The following EPAS1 variants were observed in gnomAD, a reference collection of about 807,000 sequenced individuals.
EPAS1 encodes endothelial PAS domain protein 1.
EPAS1 carries 23 observed loss-of-function variants against 87.9 expected under a neutral mutation model. That is an observed-to-expected ratio of 0.26 (90% CI 0.19 to 0.37). The LOEUF (loss-of-function observed/expected upper bound fraction) is 0.37, where lower values mean the gene tolerates loss of function less well. EPAS1 is among the 10% of genes least tolerant of loss of function. EPAS1 has a pLI of 1.00. For missense variants in EPAS1, 1,138 were observed against 1,120.7 expected (o/e 1.02, Z -0.22); for synonymous variants, 508 against 444.3 (o/e 1.14, Z -1.80).
intron 14 of EPAS1, among the ~76,000 whole-genome samples, 151 bp from the exon 15 acceptor site, chr2:46,382,270 TCTGA>T (rs1684916401): frequency 6.6e-6 from 1 of 152,194 alleles, no homozygotes; most frequent in South Asian, 2.1e-4. Context: ...CCATCTCCAC[TCTGA>T]CTTAGATGAT....
rs1685025831 is a variant in EPAS1, at chr2:46,386,385, T to TA, written c.*1728dup. The TA allele has an allele frequency of 6.6e-6, 1 of 152,632 alleles. No homozygotes were observed. The highest frequency in any genetic ancestry group is 1.9e-4 in the East Asian group (1 of 5,196). The allele number at this position is 152,632 out of a possible 1,614,324, so 9.5% of individuals were successfully genotyped here. The stretch of plus-strand genomic sequence containing the variant: ...GAAATTCCTTAGTCATGGTGTTGCG[T>TA]AAATCATATTTTAGCTGCACGGCAT... On this transcript the variant is annotated 3_prime_UTR_variant, in exon 16 of 16. Coordinates refer to ENST00000263734, the MANE Select transcript of EPAS1 (RefSeq NM_001430.5).
At position 46,375,956 on chromosome 2, in the gene EPAS1, C is replaced by G. The variant is rs780346483; in HGVS notation, c.1034+119C>G. ...CCTCTCAGCGCCCTGGGCACCACCTCAGGGAGGTCTTGCAGGGCTAACCCT... is the reference window on the plus strand; with the variant it reads ...CCTCTCAGCGCCCTGGGCACCACCTGAGGGAGGTCTTGCAGGGCTAACCCT... On this transcript the variant is annotated intron_variant, in intron 8 of 15. Transcript: ENST00000263734. This position sits in a 1 kb window ranked among gnomAD's most constrained non-coding sequence, Gnocchi z 4.1. 2.2e-5 allele frequency: 30 copies of G among 1,382,006 alleles called. No individual in the cohort carries two copies. The highest frequency in any genetic ancestry group is 3.1e-5 in the Non-Finnish European group (30 of 976,254). 85.6% of individuals were successfully genotyped at this position (1,382,006 alleles called of 1,614,324 possible).
Position 46,378,716 on chromosome 2 carries a change from T to C in EPAS1, c.1503T>C (p.Ile501=). 1 of 1,614,058 alleles carries C rather than the reference T, an allele frequency of 6.2e-7. No homozygotes were observed. The highest frequency in any genetic ancestry group is 1.1e-5 in the South Asian group (1 of 91,080). ...ATAACGACCTGAAGATTGAAGTGAT[T>C]GAGAAGCTCTTCGCCATGGACACAG... The part of the protein sequence containing the change: ...SLDNDLKIEV[I]EKLFAMDTEA... Residue 501 remains isoleucine (I), a synonymous_variant, in exon 11 of 16, where the codon ATT becomes ATC. Coordinates refer to ENST00000263734, the MANE Select transcript of EPAS1 (RefSeq NM_001430.5).
chr2:46,377,017 C>T lies in EPAS1; in HGVS notation c.1249+264C>T, dbSNP rs187053807. ...TAAGAGAGGACACCCCCCTGAGGGT[C>T]GATTCTCCACCATGGGTGGTGAGAG... is the stretch of plus-strand genomic sequence containing the variant. On this transcript the variant is annotated intron_variant, in intron 9 of 15. Coordinates refer to ENST00000263734, the MANE Select transcript of EPAS1 (RefSeq NM_001430.5). Among the ~76,000 whole-genome samples the T allele has an allele frequency of 3.3e-5, 5 of 152,196 alleles. No individual in the cohort carries two copies. In the East Asian group the frequency reaches 7.7e-4, roughly 24 times the overall value.
At chr2:46,310,156 T>A (rs1011661844) in intron 1 of EPAS1, among the ~76,000 whole-genome samples, 1 of 152,064 alleles carries the variant, frequency 6.6e-6, no homozygotes, top group Non-Finnish European at 1.5e-5. Context: ...GAGGACAGCT[T>A]GCTGTATCCT....
Position 46,361,004 on chromosome 2 carries a change from C to G in EPAS1, c.693C>G (p.His231Gln). Residue 231 changes from histidine to glutamine, a missense_variant, in exon 6 of 16, where the codon CAC (histidine) becomes CAG (glutamine). His to Gln is a conservative substitution (Grantham distance 24). Transcript: ENST00000263734. ...TCATCATGTGTGAACCAATCCAGCA[C>G]CCATCCCACATGGACATCCCCCTGG... The part of the protein sequence containing the change: ...CLIIMCEPIQ[H>Q]PSHMDIPLDS... 1 of 1,614,184 alleles carries G rather than the reference C, an allele frequency of 6.2e-7. No individual in the cohort carries two copies. Among genetic ancestry groups the G allele is most frequent in the Non-Finnish European group, 8.5e-7 (1 of 1,180,040 alleles).
intron 6 of EPAS1, among the ~76,000 whole-genome samples, chr2:46,362,250 C>T (rs1233327723): frequency 6.6e-6 from 1 of 152,194 alleles, no homozygotes; most frequent in Admixed American, 6.5e-5. Flanking sequence ...ATCTCAGTTT[C>T]CCCTTCTCCA....
chr2:46,304,210 G>A (rs565679662), intron 1 of EPAS1, among the ~76,000 whole-genome samples: 37 of 152,298 alleles, frequency 2.4e-4, no homozygotes, highest in African/African-American at 6.5e-4. Context: ...TGCCAGTGCC[G>A]TCCTCAGAAC....
At chr2:46,312,435 C>T (rs1444475959) in intron 1 of EPAS1, among the ~76,000 whole-genome samples, 2 of 152,140 alleles carry the variant, frequency 1.3e-5, no homozygotes, top group African/African-American at 4.8e-5. Flanking sequence ...TTGAAATGAG[C>T]TAGAGTTTCA....
In EPAS1 at chr2:46,385,425, T is replaced by C. The variant is rs1189077728; in HGVS notation, c.*765T>C. ...AAGTGTTTATCATATATATGGGTACTTTGTAATATCTAAAAACTTAGAAAC... is the reference window on the plus strand; with the variant it reads ...AAGTGTTTATCATATATATGGGTACCTTGTAATATCTAAAAACTTAGAAAC... On this transcript the variant is annotated 3_prime_UTR_variant, in exon 16 of 16. Coordinates refer to ENST00000263734, the MANE Select transcript of EPAS1 (RefSeq NM_001430.5). 1 of 152,356 alleles carries C rather than the reference T, an allele frequency of 6.6e-6. No individual in the cohort carries two copies. Among genetic ancestry groups the C allele is most frequent in the East Asian group, 1.9e-4 (1 of 5,204 alleles). 9.4% of individuals were successfully genotyped at this position (152,356 alleles called of 1,614,324 possible). A position where few individuals can be genotyped will look rare whatever the true frequency, so the allele number is the denominator to read the frequency against.
intron 15 of EPAS1, 131 bp from the exon 16 acceptor site, chr2:46,384,378 G>A: frequency 2.3e-6 from 3 of 1,311,796 alleles, no homozygotes; most frequent in Middle Eastern, 3.9e-4. Flanking sequence ...GCAGGCCGTG[G>A]GACAGACACC....
rs7557402 is a variant in EPAS1 at position 46,376,532 on chromosome 2, C to G, written c.1035-7C>G. 756,753 of 1,613,218 alleles carry G rather than the reference C, an allele frequency of 0.47. 184,991 individuals are homozygous for G. Among genetic ancestry groups the G allele is most frequent in the Non-Finnish European group, 0.51 (602,186 of 1,179,390 alleles). On this transcript the variant is annotated splice_region_variant and splice_polypyrimidine_tract_variant and intron_variant, in intron 8 of 15. Transcript: ENST00000263734. ...GAAAGTCTGAATGGCTCTTTCCCCC[C>G]CATTAGTGAGATTGAGAAGAATGAC... is the stretch of plus-strand genomic sequence containing the variant.
At chr2:46,368,289 T>C (rs766338037) in intron 6 of EPAS1, among the ~76,000 whole-genome samples, 1 of 152,060 alleles carries the variant, frequency 6.6e-6, no homozygotes, top group Non-Finnish European at 1.5e-5. Context: ...TGTCAGGGCT[T>C]GGAGAAGAGG....
chr2:46,347,234 C>G lies in EPAS1; in HGVS notation c.217+171C>G. 1.4e-6 allele frequency: 1 copy of G among 737,126 alleles called. No homozygotes were observed. Among genetic ancestry groups the G allele is most frequent in the Non-Finnish European group, 2.3e-6 (1 of 432,714 alleles). The allele number at this position is 737,126 out of a possible 1,614,324, so 45.7% of individuals were successfully genotyped here. A position where few individuals can be genotyped will look rare whatever the true frequency, so the allele number is the denominator to read the frequency against. Reference sequence around the variant, plus strand: ...TTCCTTCATGTTAAACATCTCTCTTCCAGCAGTGACCTTTACCGTGAATCC... The same window carrying G: ...TTCCTTCATGTTAAACATCTCTCTTGCAGCAGTGACCTTTACCGTGAATCC... On this transcript the variant is annotated intron_variant, in intron 2 of 15. Transcript: ENST00000263734. This position sits in a 1 kb window ranked among gnomAD's most constrained non-coding sequence, Gnocchi z 4.2.
At chr2:46,337,632 T>C (rs1024131248) in intron 1 of EPAS1, among the ~76,000 whole-genome samples, 1 of 151,950 alleles carries the variant, frequency 6.6e-6, no homozygotes, top group Non-Finnish European at 1.5e-5. Context: ...GGCAGAAGGG[T>C]TTGAGCCAAA....
At chr2:46,333,381 A>C (rs1683725719) in intron 1 of EPAS1, among the ~76,000 whole-genome samples, 1 of 152,214 alleles carries the variant, frequency 6.6e-6, no homozygotes, top group Non-Finnish European at 1.5e-5. Context: ...GGTGCCTTGC[A>C]GTCAAGTAGC....
At chr2:46,376,876 C>T in intron 9 of EPAS1, 123 bp downstream of exon 9, 1 of 996,964 alleles carries the variant, frequency 1.0e-6, no homozygotes, top group Non-Finnish European at 1.5e-6. Flanking sequence ...CCCCCCAAGT[C>T]TTGTTAATCA....
Position 46,346,784 on chromosome 2 carries a change from T to A in EPAS1, c.27-89T>A. On this transcript the variant is annotated intron_variant, in intron 1 of 15. Coordinates refer to ENST00000263734, the MANE Select transcript of EPAS1 (RefSeq NM_001430.5). This position sits in a 1 kb window ranked among gnomAD's most constrained non-coding sequence, Gnocchi z 4.0. The stretch of plus-strand genomic sequence containing the variant: ...GTCTAGTAAGGGAGTGTGGCTGCAC[T>A]GGGGGTTGGGGCCATGGGGATGTCC... The A allele has an allele frequency of 7.1e-7, 1 of 1,409,846 alleles. No homozygotes were observed. Among genetic ancestry groups the A allele is most frequent in the Non-Finnish European group, 9.9e-7 (1 of 1,012,528 alleles). The allele number at this position is 1,409,846 out of a possible 1,614,324, so 87.3% of individuals were successfully genotyped here.
Position 46,300,060 on chromosome 2 carries a change from T to G in EPAS1, c.26+2123T>G, listed in dbSNP as rs533888323. Among the ~76,000 whole-genome samples, 1 of 152,146 alleles carries G rather than the reference T, an allele frequency of 6.6e-6. No homozygotes were observed. The highest frequency in any genetic ancestry group is 6.5e-5 in the Admixed American group (1 of 15,302). On this transcript the variant is annotated intron_variant, in intron 1 of 15. Transcript: ENST00000263734. The surrounding 1 kb of genome is among the most constrained non-coding windows in gnomAD (Gnocchi z 4.1). Reference sequence around the variant, plus strand: ...GGCAAACAGCGTGTCCTTCACCATCTAGAGCCCCTTAAGGGGTTGTCCAAT... The same window carrying G: ...GGCAAACAGCGTGTCCTTCACCATCGAGAGCCCCTTAAGGGGTTGTCCAAT...
Sources: allele counts gnomAD v4.1 joint callset (sites outside exome capture counted in the v4.1 genomes callset), GRCh38; gene constraint gnomAD v4.1.1; non-coding constraint Gnocchi (gnomAD v3.1); transcripts MANE v1.5; gene names NCBI Gene and HGNC (gene_info 2026-07-23, HGNC 2026-07-21).